FRAS1: variants seen among roughly 807,000 people sequenced by gnomAD.
FRAS1 encodes the protein Fraser extracellular matrix complex subunit 1.
A neutral mutation model predicts 435.2 loss-of-function variants in FRAS1; 290 were observed. That is an observed-to-expected ratio of 0.67 (90% CI 0.61 to 0.73). FRAS1 has a LOEUF of 0.73. Ranked by LOEUF, FRAS1 falls within the 30% of genes least tolerant of loss-of-function variation. The pLI, the probability that FRAS1 is intolerant of heterozygous loss-of-function variation, is 0.00. For synonymous variants in FRAS1, 1,800 were observed against 1,851.0 expected, an observed-to-expected ratio of 0.97 and a Z score of 0.71; for missense variants, 4,860 against 5,001.5, an observed-to-expected ratio of 0.97 and a Z score of 0.85.
intron 2 of FRAS1, among the ~76,000 whole-genome samples, chr4:78,144,476 GTT>G (rs1054580071): frequency 1.3e-5 from 2 of 149,478 alleles, no homozygotes; most frequent in Non-Finnish European, 3.0e-5. Flanking sequence ...GTGTGTGTGT[GTT>G]TTGTTTGTAT....
intron 2 of FRAS1, among the ~76,000 whole-genome samples, chr4:78,098,434 C>T (rs1397960219): frequency 6.6e-6 from 1 of 152,010 alleles, no homozygotes; most frequent in Admixed American, 6.6e-5. Flanking sequence ...ACCACTACAG[C>T]TGGCTAATTT....
At chr4:78,282,156 G>T (rs4859923) in intron 11 of FRAS1, among the ~76,000 whole-genome samples, 99,141 of 151,624 alleles carry the variant, frequency 0.65, 32,349 homozygotes, top group Middle Eastern at 0.71. Flanking sequence ...CAATACCTTC[G>T]GGTAAGAACC....
At chr4:78,274,378 G>C (rs61283188) in intron 9 of FRAS1, among the ~76,000 whole-genome samples, 2,408 of 152,164 alleles carry the variant, frequency 0.016, 38 homozygotes, top group East Asian at 0.042. Flanking sequence ...GTTTGCTCTT[G>C]CTTCTCTAGT....
intron 28 of FRAS1, among the ~76,000 whole-genome samples, chr4:78,385,514 G>A (rs977098378): frequency 5.3e-5 from 8 of 152,146 alleles, no homozygotes; most frequent in African/African-American, 1.9e-4. Context: ...GGGATAAATT[G>A]GAGTTTAATG....
At chr4:78,136,846 GC>G (rs1165599499) in intron 2 of FRAS1, among the ~76,000 whole-genome samples, 1 of 152,188 alleles carries the variant, frequency 6.6e-6, no homozygotes, top group Non-Finnish European at 1.5e-5. Context: ...TCCAGTGTGA[GC>G]TTCCCCACCC....
At chr4:78,273,904 T>G (rs1726853514) in intron 9 of FRAS1, among the ~76,000 whole-genome samples, 1 of 152,196 alleles carries the variant, frequency 6.6e-6, no homozygotes. Flanking sequence ...AGCTCCTCCT[T>G]GTACCTCTGG....
Position 78,085,846 on chromosome 4 carries a change from G to A in FRAS1, c.108+19830G>A, listed in dbSNP as rs199973706. On this transcript the variant is annotated intron_variant, in intron 2 of 73. Transcript: ENST00000512123. ...TAATGGGAGACTTTAACACTCCACT[G>A]TCAACATTAGACAGATCAACGAGAC... Among the ~76,000 whole-genome samples, 8 of 152,196 alleles carry A rather than the reference G, an allele frequency of 5.3e-5. No homozygotes were observed. The East Asian group carries it at 1.5e-3, about 29-fold the overall frequency.
At chr4:78,344,438 T>C (rs1730519793) in intron 20 of FRAS1, among the ~76,000 whole-genome samples, 1 of 141,398 alleles carries the variant, frequency 7.1e-6, no homozygotes, top group Non-Finnish European at 1.5e-5. Flanking sequence ...AAGTCAGGAA[T>C]GATTGATCCG....
At chr4:78,528,136 G>A (rs148376884) in intron 70 of FRAS1, among the ~76,000 whole-genome samples, 159 of 152,232 alleles carry the variant, frequency 1.0e-3, no homozygotes, top group African/African-American at 2.6e-3. Flanking sequence ...GAAGAATGTC[G>A]AGGTTTGAGA....
intron 2 of FRAS1, among the ~76,000 whole-genome samples, chr4:78,132,899 G>A (rs1338312902): frequency 6.6e-6 from 1 of 152,122 alleles, no homozygotes; most frequent in East Asian, 1.9e-4. Context: ...ATGTTTAGAG[G>A]AGCTGTCTGC....
intron 10 of FRAS1, among the ~76,000 whole-genome samples, chr4:78,279,667 C>T (rs1231488409): frequency 6.6e-6 from 1 of 152,106 alleles, no homozygotes; most frequent in East Asian, 1.9e-4. Flanking sequence ...TTTTTATTAC[C>T]TAAAGGAAAT....
intron 20 of FRAS1, among the ~76,000 whole-genome samples, chr4:78,341,236 G>A (rs542927428): frequency 6.6e-6 from 1 of 152,270 alleles, no homozygotes; most frequent in Non-Finnish European, 1.5e-5. Flanking sequence ...TTCAGAAAAT[G>A]GGCCAAAGAG....
intron 2 of FRAS1, among the ~76,000 whole-genome samples, chr4:78,109,336 T>A (rs2109933519): frequency 8.3e-6 from 1 of 121,200 alleles, no homozygotes; most frequent in African/African-American, 3.3e-5. Context: ...TGAACATTGA[T>A]GCAAAAATCC....
At chr4:78,534,909 C>T (rs1721833458) in intron 71 of FRAS1, among the ~76,000 whole-genome samples, 1 of 152,218 alleles carries the variant, frequency 6.6e-6, no homozygotes, top group African/African-American at 2.4e-5. Context: ...AGCACATTGT[C>T]TAACTCTGGG....
At chr4:78,418,906 T>C in intron 32 of FRAS1, 43 bp from the exon 33 acceptor site, 1 of 1,264,088 alleles carries the variant, frequency 7.9e-7, no homozygotes, top group Non-Finnish European at 1.1e-6. Flanking sequence ...TGGCTTTTGT[T>C]TTTCATACCA....
intron 38 of FRAS1, 99 bp from the exon 39 acceptor site, chr4:78,438,471 C>T: frequency 8.7e-7 from 1 of 1,152,056 alleles, no homozygotes; most frequent in South Asian, 1.4e-5. Context: ...GAGACTTTTC[C>T]AATTAGCAGA....
intron 2 of FRAS1, among the ~76,000 whole-genome samples, chr4:78,104,409 A>C (rs79752788): frequency 0.012 from 1,791 of 152,280 alleles, 16 homozygotes; most frequent in Non-Finnish European, 0.017. Context: ...GAAGAGGGAG[A>C]TCTGATGCCA....
chr4:78,478,201 C>A, intron 55 of FRAS1, 140 bp downstream of exon 55: 2 of 938,558 alleles, frequency 2.1e-6, no homozygotes, highest in Non-Finnish European at 3.1e-6. Flanking sequence ...TTGGTTCCCA[C>A]AACAACCCTG....
At chr4:78,091,580 C>A (rs955045778) in intron 2 of FRAS1, among the ~76,000 whole-genome samples, 5 of 151,484 alleles carry the variant, frequency 3.3e-5, no homozygotes, top group African/African-American at 1.2e-4. Flanking sequence ...AAGGGCATTG[C>A]TTTCAAACAA....
Sources: gnomAD v4.1 joint callset for allele counts (sites outside exome capture counted in the v4.1 genomes callset) on GRCh38, gnomAD v4.1.1 for gene constraint, MANE v1.5 for transcripts, NCBI Gene and HGNC (gene_info 2026-07-23, HGNC 2026-07-21) for gene names.